Variants in ASTN1 observed in about 807,000 individuals in gnomAD.
The protein encoded by ASTN1 is astrotactin-1.
A neutral mutation model predicts 140.7 loss-of-function variants in ASTN1; 41 were observed. That is an observed-to-expected ratio of 0.29 (90% confidence interval 0.23 to 0.38). The LOEUF is 0.38. Among genes scored for constraint, ASTN1 ranks in the 10% least tolerant of loss-of-function variants. The pLI is 1.00. For missense variants in ASTN1, 1,479 were observed against 1,678.8 expected (o/e 0.88, Z 2.08); for synonymous variants, 640 against 652.2 (o/e 0.98, Z 0.29).
intron 9 of ASTN1, among the ~76,000 whole-genome samples, chr1:176,963,054 G>A (rs113908055): frequency 6.6e-6 from 1 of 152,174 alleles, no homozygotes; most frequent in Admixed American, 6.5e-5. Flanking sequence ...ATGAGCAAAT[G>A]AGCAGAGTGG....
chr1:177,119,466 T>G (rs1011595685), intron 1 of ASTN1, among the ~76,000 whole-genome samples: 3 of 152,016 alleles, frequency 2.0e-5, no homozygotes, highest in Non-Finnish European at 4.4e-5. Flanking sequence ...GTCACAGCCC[T>G]GCAGGCTGCA....
At chr1:177,139,411 G>A (rs777701103) in intron 1 of ASTN1, among the ~76,000 whole-genome samples, 5 of 152,170 alleles carry the variant, frequency 3.3e-5, no homozygotes, top group South Asian at 2.1e-4. Context: ...AAGGGGCAAC[G>A]AAGGAGAAAA....
chr1:176,981,207 G>A, intron 8 of ASTN1, among the ~76,000 whole-genome samples: 1 of 69,820 alleles, frequency 1.4e-5, no homozygotes, highest in Non-Finnish European at 2.3e-5. Context: ...AGGAGACTCT[G>A]TCTCAAAAAA....
chr1:177,068,300 C>A (rs570796883), intron 1 of ASTN1, among the ~76,000 whole-genome samples: 1 of 152,200 alleles, frequency 6.6e-6, no homozygotes, highest in South Asian at 2.1e-4. Flanking sequence ...AGCTTTAGAG[C>A]AAAATAGCTT....
In ASTN1 at chr1:176,877,616, C is replaced by T. The variant is rs188845321; in HGVS notation, c.3363-979G>A. ...AGAGGAAGAAGAGGAATTCTAGGTT[C>T]TGCCACTGAAAAGGGAATCTGAACA... On this transcript the variant is annotated intron_variant, in intron 20 of 22. Transcript: ENST00000361833. Among the ~76,000 whole-genome samples, 182 of 152,348 alleles carry T rather than the reference C, an allele frequency of 1.2e-3. 1 individual carries two copies. Among genetic ancestry groups the T allele is most frequent in the African/African-American group, 4.1e-3 (170 of 41,584 alleles).
intron 2 of ASTN1, among the ~76,000 whole-genome samples, chr1:177,049,746 C>T (rs1046786908): frequency 1.3e-5 from 2 of 152,214 alleles, no homozygotes; most frequent in African/African-American, 4.8e-5. Flanking sequence ...GCCCACGTCA[C>T]TCTGCTTTGA....
At chr1:177,022,500 A>G (rs1482064519) in intron 7 of ASTN1, among the ~76,000 whole-genome samples, 1 of 152,230 alleles carries the variant, frequency 6.6e-6, no homozygotes, top group Non-Finnish European at 1.5e-5. Flanking sequence ...TAAGAGATCC[A>G]TGCTCCTGGC....
At chr1:176,897,521 T>C (rs1180191118) in intron 16 of ASTN1, among the ~76,000 whole-genome samples, 1 of 152,004 alleles carries the variant, frequency 6.6e-6, no homozygotes, top group Admixed American at 6.6e-5. Context: ...TTCCACGACA[T>C]GACCGCTAGA....
At chr1:177,113,719 G>A (rs1292689166) in intron 1 of ASTN1, among the ~76,000 whole-genome samples, 2 of 152,188 alleles carry the variant, frequency 1.3e-5, no homozygotes, top group African/African-American at 4.8e-5. Context: ...CCTTGCTGCA[G>A]TCTCCCAAGT....
At chr1:177,154,463 A>G (rs1024668493) in intron 1 of ASTN1, among the ~76,000 whole-genome samples, 13 of 152,220 alleles carry the variant, frequency 8.5e-5, no homozygotes, top group African/African-American at 2.4e-4. Flanking sequence ...ACCATACTGG[A>G]TAAGGCAGAA....
chr1:177,045,837 A>T (rs574701291), intron 2 of ASTN1, among the ~76,000 whole-genome samples: 1 of 152,326 alleles, frequency 6.6e-6, no homozygotes, highest in East Asian at 1.9e-4. Context: ...TCACCAGAGA[A>T]GTCAAAACTT....
intron 8 of ASTN1, among the ~76,000 whole-genome samples, chr1:176,970,699 T>C (rs1673106296): frequency 6.7e-6 from 1 of 150,084 alleles, no homozygotes; most frequent in South Asian, 2.1e-4. Context: ...TGTATGTATA[T>C]ATGTATCTGT....
At chr1:176,952,592 G>GT (rs1021578503) in intron 11 of ASTN1, among the ~76,000 whole-genome samples, 7 of 151,958 alleles carry the variant, frequency 4.6e-5, no homozygotes, top group Non-Finnish European at 7.4e-5. Context: ...AATTTGTTTT[G>GT]TTTTTTGCCT....
At chr1:177,145,660 C>T (rs1682687678) in intron 1 of ASTN1, among the ~76,000 whole-genome samples, 1 of 152,182 alleles carries the variant, frequency 6.6e-6, no homozygotes, top group African/African-American at 2.4e-5. Flanking sequence ...AACTCTTATT[C>T]ATTCACTCAG....
chr1:177,103,118 C>T (rs1010089672), intron 1 of ASTN1, among the ~76,000 whole-genome samples: 1 of 152,196 alleles, frequency 6.6e-6, no homozygotes, highest in Admixed American at 6.5e-5. Flanking sequence ...TAAGGAAGTG[C>T]TAAGTACCAT....
chr1:176,925,391 C>T (rs190674636), intron 16 of ASTN1, among the ~76,000 whole-genome samples: 22 of 152,302 alleles, frequency 1.4e-4, no homozygotes, highest in Admixed American at 1.4e-3. Context: ...TTGGCATCAT[C>T]TGGGAGCTTG....
chr1:177,036,549 G>A (rs1676728846), intron 2 of ASTN1, among the ~76,000 whole-genome samples: 2 of 152,052 alleles, frequency 1.3e-5, no homozygotes, highest in South Asian at 2.1e-4. Context: ...ATAATATACT[G>A]TAATGTGATG....
chr1:177,132,016 C>T (rs1338391350), intron 1 of ASTN1, among the ~76,000 whole-genome samples: 2 of 152,148 alleles, frequency 1.3e-5, no homozygotes, highest in Non-Finnish European at 2.9e-5. Context: ...CCCAACATTG[C>T]CACATTCAGG....
intron 2 of ASTN1, among the ~76,000 whole-genome samples, chr1:177,052,004 T>C (rs1307310247): frequency 6.6e-6 from 1 of 152,150 alleles, no homozygotes; most frequent in African/African-American, 2.4e-5. Context: ...GTATCAGATG[T>C]CAATTATGAG....
Sources: gnomAD v4.1 joint callset for allele counts (sites outside exome capture counted in the v4.1 genomes callset) on GRCh38, gnomAD v4.1.1 for gene constraint, MANE v1.5 for transcripts, NCBI Gene and HGNC (gene_info 2026-07-23, HGNC 2026-07-21) for gene names.